AFF3: variants seen among roughly 807,000 people sequenced by gnomAD.
AFF3 encodes AF4/FMR2 family member 3.
In AFF3, 32 loss-of-function variants were observed where a neutral mutation model predicts 129.7. That is an observed-to-expected ratio of 0.25 (90% CI 0.19 to 0.33). AFF3 has a LOEUF of 0.33. Among genes scored for constraint, AFF3 ranks in the 10% least tolerant of loss-of-function variants. The pLI, the probability that AFF3 is intolerant of heterozygous loss-of-function variation, is 1.00. For missense variants in AFF3, 1,373 were observed against 1,592.0 expected (o/e 0.86, Z 2.34); for synonymous variants, 644 against 635.4 (o/e 1.01, Z -0.20).
In AFF3 at chr2:99,593,401, G is replaced by T. The variant is rs1395735741; in HGVS notation, c.2260C>A (p.Leu754Ile). The T allele has an allele frequency of 6.2e-7, 1 of 1,613,904 alleles. No homozygotes were observed. Among genetic ancestry groups the T allele is most frequent in the Non-Finnish European group, 8.5e-7 (1 of 1,180,024 alleles). Residue 754 changes from leucine (L) to isoleucine (I), a missense_variant, in exon 15 of 25, where the codon CTC becomes ATC. Transcript: ENST00000672756. ...TCATCACTGTCCTTTAGAGGGGAGA[G>T]AAGTTCGTTCCGGCCAAAGGGGACC... ...TLVPFGRNEL[L>I]SPLKDSDEIR...
intron 8 of AFF3, among the ~76,000 whole-genome samples, chr2:99,794,468 G>C (rs1446096496): frequency 6.6e-6 from 1 of 152,182 alleles, no homozygotes; most frequent in South Asian, 2.1e-4. Context: ...AGGCTTGTGA[G>C]AATTTAAATG....
In AFF3 at chr2:99,554,327, C is replaced by T; in HGVS notation, c.3543G>A (p.Leu1181=). The change falls in exon 24 of 25, where the codon CTG becomes CTA. Residue 1181 remains leucine, a synonymous_variant. Coordinates refer to ENST00000672756, the MANE Select transcript of AFF3 (RefSeq NM_001386135.1). ...SYDYWEMADN[L]AKENREFFND... ...TGCGCTCACCTCGGTTTTCCTTGGCCAGGTTGTCGGCCATCTCCCAGTAGT... is the reference window on the plus strand; with the variant it reads ...TGCGCTCACCTCGGTTTTCCTTGGCTAGGTTGTCGGCCATCTCCCAGTAGT... The T allele has an allele frequency of 1.2e-6, 2 of 1,614,196 alleles. No individual in the cohort carries two copies. Among genetic ancestry groups the T allele is most frequent in the Non-Finnish European group, 1.7e-6 (2 of 1,180,026 alleles).
chr2:100,004,781 T>C (rs780929734), intron 7 of AFF3, among the ~76,000 whole-genome samples: 2 of 152,052 alleles, frequency 1.3e-5, no homozygotes, highest in Non-Finnish European at 2.9e-5. Flanking sequence ...AACAGACAAG[T>C]GTTATAAGGT....
At chr2:99,854,210 GAT>G (rs1463271309) in intron 7 of AFF3, among the ~76,000 whole-genome samples, 1 of 137,744 alleles carries the variant, frequency 7.3e-6, no homozygotes, top group Non-Finnish European at 1.5e-5. Flanking sequence ...TAAATGTAGA[GAT>G]ATAAATGAAG....
chr2:99,696,943 G>T (rs1463222316), intron 11 of AFF3, among the ~76,000 whole-genome samples: 1 of 152,150 alleles, frequency 6.6e-6, no homozygotes, highest in East Asian at 1.9e-4. Flanking sequence ...AGCATGCCTG[G>T]CCTGATGAAA....
At chr2:99,565,705 T>C in intron 19 of AFF3, 82 bp from the exon 20 acceptor site, 1 of 1,459,690 alleles carries the variant, frequency 6.9e-7, no homozygotes, top group Non-Finnish European at 9.3e-7. Context: ...TACACCTTAT[T>C]TGAGAAACCC....
intron 8 of AFF3, among the ~76,000 whole-genome samples, chr2:99,822,389 G>T (rs1429523872): frequency 6.6e-6 from 1 of 151,984 alleles, no homozygotes; most frequent in Non-Finnish European, 1.5e-5. Flanking sequence ...AAAAAAAATT[G>T]CCAAACCAAA....
At chr2:99,595,264 A>G (rs922349626) in intron 14 of AFF3, among the ~76,000 whole-genome samples, 3 of 152,264 alleles carry the variant, frequency 2.0e-5, no homozygotes, top group Non-Finnish European at 2.9e-5. Flanking sequence ...ATGATAATTA[A>G]GAGAAAACAG....
intron 7 of AFF3, among the ~76,000 whole-genome samples, chr2:99,943,383 G>T (rs1299718491): frequency 6.6e-6 from 1 of 152,114 alleles, no homozygotes. Context: ...CTAATCTTTT[G>T]ATTTAGTTAC....
chr2:100,011,325 T>C (rs1682530285), intron 4 of AFF3, among the ~76,000 whole-genome samples: 3 of 152,078 alleles, frequency 2.0e-5, no homozygotes, highest in Admixed American at 1.3e-4. Context: ...CCTTTTCCCA[T>C]ACATAGCAGG....
intron 12 of AFF3, among the ~76,000 whole-genome samples, 194 bp downstream of exon 12, chr2:99,672,344 T>C (rs370863707): frequency 5.9e-5 from 9 of 152,120 alleles, no homozygotes; most frequent in Admixed American, 5.2e-4. Context: ...AATTACAGAA[T>C]TCAAGGCTTA....
At chr2:100,116,700 C>A (rs1012422188) in intron 2 of AFF3, among the ~76,000 whole-genome samples, 63 of 152,084 alleles carry the variant, frequency 4.1e-4, no homozygotes, top group African/African-American at 1.5e-3. Flanking sequence ...ATATATTAAA[C>A]CCCCAAAGAC....
At chr2:99,558,757 G>T in intron 22 of AFF3, 118 bp downstream of exon 22, 1 of 901,752 alleles carries the variant, frequency 1.1e-6, no homozygotes, top group Non-Finnish European at 1.7e-6. Flanking sequence ...GGGTTACCTT[G>T]GGGACCAGAG....
At chr2:99,627,989 G>T (rs1001991040) in intron 13 of AFF3, among the ~76,000 whole-genome samples, 6 of 152,112 alleles carry the variant, frequency 3.9e-5, no homozygotes, top group African/African-American at 1.4e-4. Flanking sequence ...TTTGAAGTTG[G>T]GTAGTACGAT....
At chr2:100,063,022 G>A (rs1419844121) in intron 4 of AFF3, among the ~76,000 whole-genome samples, 4 of 152,040 alleles carry the variant, frequency 2.6e-5, no homozygotes, top group Admixed American at 1.3e-4. Flanking sequence ...AGGCCAAGGC[G>A]GGTGGATCAC....
intron 7 of AFF3, among the ~76,000 whole-genome samples, chr2:99,873,540 T>C (rs1379331079): frequency 6.6e-6 from 1 of 152,122 alleles, no homozygotes; most frequent in Non-Finnish European, 1.5e-5. Context: ...TTCTCATCTG[T>C]AAAATGGAGA....
At chr2:99,679,309 C>A (rs1226158209) in intron 11 of AFF3, among the ~76,000 whole-genome samples, 1 of 152,120 alleles carries the variant, frequency 6.6e-6, no homozygotes, top group Non-Finnish European at 1.5e-5. Flanking sequence ...CATGTTGAAC[C>A]TGGGGTGAAG....
chr2:99,580,347 G>A (rs936395324), intron 17 of AFF3, among the ~76,000 whole-genome samples: 1 of 152,068 alleles, frequency 6.6e-6, no homozygotes, highest in African/African-American at 2.4e-5. Context: ...CTGCTTTCCT[G>A]CTACAACAGC....
intron 7 of AFF3, among the ~76,000 whole-genome samples, chr2:99,907,153 T>C (rs1694775491): frequency 6.6e-6 from 1 of 152,168 alleles, no homozygotes; most frequent in Non-Finnish European, 1.5e-5. Flanking sequence ...TTTTGTAAGC[T>C]GGGCCTCTTT....
Sources: allele counts gnomAD v4.1 joint callset (sites outside exome capture counted in the v4.1 genomes callset), GRCh38; gene constraint gnomAD v4.1.1; transcripts MANE v1.5; gene names NCBI Gene and HGNC (gene_info 2026-07-23, HGNC 2026-07-21).